The following EIF2AK3 variants were observed in gnomAD, a reference collection of about 807,000 sequenced individuals.
EIF2AK3 encodes the protein eukaryotic translation initiation factor 2 alpha kinase 3, also known as eukaryotic translation initiation factor 2-alpha kinase 3.
Under a neutral mutation model 113.5 loss-of-function variants are expected in EIF2AK3, and 50 were observed. The ratio of observed to expected loss-of-function variants is 0.44; its 90% CI spans 0.35 to 0.56. The LOEUF is 0.56. EIF2AK3 is among the 20% of genes least tolerant of loss of function. EIF2AK3 has a pLI of 0.00. For missense variants in EIF2AK3, 1,185 were observed against 1,378.0 expected, an observed-to-expected ratio of 0.86 and a Z score of 2.22; for synonymous variants, 448 against 495.4, an observed-to-expected ratio of 0.90 and a Z score of 1.27.
intron 2 of EIF2AK3, among the ~76,000 whole-genome samples, chr2:88,605,655 T>C (rs1405608919): frequency 6.6e-6 from 1 of 152,162 alleles, no homozygotes; most frequent in Non-Finnish European, 1.5e-5. Context: ...TGTCTGTATA[T>C]TTTAATTCTT....
At chr2:88,594,541 G>T (rs1460798700) in intron 3 of EIF2AK3, among the ~76,000 whole-genome samples, 1 of 152,082 alleles carries the variant, frequency 6.6e-6, no homozygotes, top group Non-Finnish European at 1.5e-5. Flanking sequence ...GGATTTATAA[G>T]ACCCAATCTT....
intron 2 of EIF2AK3, among the ~76,000 whole-genome samples, chr2:88,608,556 TGA>T (rs1055163474): frequency 3.3e-5 from 5 of 152,110 alleles, no homozygotes; most frequent in Admixed American, 1.3e-4. Flanking sequence ...ACTGGGTTTC[TGA>T]GAGAGGAAGT....
At chr2:88,577,609 C>T (rs1674495481) in intron 11 of EIF2AK3, among the ~76,000 whole-genome samples, 1 of 151,960 alleles carries the variant, frequency 6.6e-6, no homozygotes, top group Admixed American at 6.6e-5. Context: ...GAACTCCTGG[C>T]CTCAAATGAT....
At chr2:88,566,745 C>T (rs1433109054) in intron 14 of EIF2AK3, among the ~76,000 whole-genome samples, 1 of 152,080 alleles carries the variant, frequency 6.6e-6, no homozygotes, top group East Asian at 1.9e-4. Flanking sequence ...CCCAAGAGTT[C>T]AAGACCAGCC....
chr2:88,599,969 A>G (rs1283446261), intron 2 of EIF2AK3, among the ~76,000 whole-genome samples: 1 of 152,234 alleles, frequency 6.6e-6, no homozygotes, highest in Non-Finnish European at 1.5e-5. Flanking sequence ...ATTTGATATC[A>G]TTGACCATAC....
At chr2:88,582,276 G>A (rs1309084445) in intron 10 of EIF2AK3, among the ~76,000 whole-genome samples, 3 of 152,190 alleles carry the variant, frequency 2.0e-5, no homozygotes, top group South Asian at 2.1e-4. Flanking sequence ...CAGTGGAGGT[G>A]TAAGAAAGAG....
chr2:88,596,753 A>G (rs2104447602), intron 2 of EIF2AK3, among the ~76,000 whole-genome samples: 1 of 152,314 alleles, frequency 6.6e-6, no homozygotes, highest in South Asian at 2.1e-4. Context: ...TAAGCAGTAG[A>G]GCTGTTTAAG....
intron 2 of EIF2AK3, among the ~76,000 whole-genome samples, chr2:88,605,938 C>CG (rs1453194280): frequency 1.3e-5 from 2 of 152,020 alleles, no homozygotes; most frequent in South Asian, 4.1e-4. Flanking sequence ...GATGCCCTAA[C>CG]GGGAGGGGTA....
chr2:88,559,076 T>C, intron 15 of EIF2AK3, 97 bp from the exon 16 acceptor site: 1 of 790,796 alleles, frequency 1.3e-6, no homozygotes, highest in Non-Finnish European at 2.0e-6. Context: ...AGGTTGTACA[T>C]CTATCAAATG....
intron 2 of EIF2AK3, among the ~76,000 whole-genome samples, chr2:88,596,875 C>T (rs759792025): frequency 6.6e-6 from 1 of 152,110 alleles, no homozygotes; most frequent in Non-Finnish European, 1.5e-5. Flanking sequence ...AGACTTCTGG[C>T]CAAGAATATC....
At chr2:88,579,726 T>C (rs1674551283) in intron 10 of EIF2AK3, 86 bp from the exon 11 acceptor site, 1 of 1,240,934 alleles carries the variant, frequency 8.1e-7, no homozygotes, top group Non-Finnish European at 1.1e-6. Flanking sequence ...TTATGACACA[T>C]AAAAATGTAT....
chr2:88,568,300 C>A (rs1674195998), intron 14 of EIF2AK3, among the ~76,000 whole-genome samples: 1 of 152,186 alleles, frequency 6.6e-6, no homozygotes, highest in Non-Finnish European at 1.5e-5. Flanking sequence ...AAGGCCAAGA[C>A]TATTTTCATA....
At chr2:88,614,456 G>A (rs1053752848) in intron 1 of EIF2AK3, among the ~76,000 whole-genome samples, 6 of 152,090 alleles carry the variant, frequency 3.9e-5, no homozygotes, top group African/African-American at 9.7e-5. Flanking sequence ...TCAGCTGCTG[G>A]TTTACTGTCA....
intron 2 of EIF2AK3, 85 bp downstream of exon 2, chr2:88,613,639 G>C: frequency 1.3e-6 from 2 of 1,484,328 alleles, no homozygotes. Context: ...CTCAAACCTG[G>C]GCAATAGGGC....
At chr2:88,587,204 CAAAAAAAAAAAAAA>C (rs780050125) in intron 8 of EIF2AK3, among the ~76,000 whole-genome samples, 5 of 30,262 alleles carry the variant, frequency 1.7e-4, no homozygotes, top group African/African-American at 5.3e-4. Flanking sequence ...AACTCCATCT[CAAAAAAAAAAAAAA>C]AAAAAAAAAA....
chr2:88,613,710 CAG>C lies in EIF2AK3; in HGVS notation c.438+12_438+13del. On this transcript the variant is annotated intron_variant, in intron 2 of 16. Coordinates refer to ENST00000303236, the MANE Select transcript of EIF2AK3 (RefSeq NM_004836.7). ...ATTAAGTTTTCTAGTCAACAGTTAA[CAG>C]AAAATTCTTACCTCTGGTTTGCTAA... The C allele has an allele frequency of 6.2e-7, 1 of 1,613,930 alleles. No homozygotes were observed. The highest frequency in any genetic ancestry group is 8.5e-7 in the Non-Finnish European group (1 of 1,179,886).
At chr2:88,566,498 C>T in intron 14 of EIF2AK3, among the ~76,000 whole-genome samples, 1 of 151,966 alleles carries the variant, frequency 6.6e-6, no homozygotes, top group Non-Finnish European at 1.5e-5. Flanking sequence ...CATTATTGAC[C>T]TGATAGTTAT....
intron 14 of EIF2AK3, among the ~76,000 whole-genome samples, chr2:88,566,581 C>T (rs944399413): frequency 6.6e-6 from 1 of 151,864 alleles, no homozygotes. Flanking sequence ...CACAGGTAAA[C>T]GTGTGCCATG....
intron 13 of EIF2AK3, among the ~76,000 whole-genome samples, chr2:88,573,413 TACAAGA>T (rs1009121100): frequency 2.0e-5 from 3 of 152,184 alleles, no homozygotes; most frequent in Admixed American, 1.3e-4. Context: ...AAGTGTTAAG[TACAAGA>T]AGAATGTGTA....
Sources: allele counts gnomAD v4.1 joint callset (sites outside exome capture counted in the v4.1 genomes callset), GRCh38; gene constraint gnomAD v4.1.1; transcripts MANE v1.5; gene names NCBI Gene and HGNC (gene_info 2026-07-23, HGNC 2026-07-21).